ZNF91: variants seen among roughly 807,000 people sequenced by gnomAD.
ZNF91 encodes the protein zinc finger protein 91 (HPF7, HTF10).
In ZNF91, 7 loss-of-function variants were observed where a neutral mutation model predicts 12.6. That is an observed-to-expected ratio of 0.55 (90% confidence interval 0.31 to 1.04). The LOEUF (loss-of-function observed/expected upper bound fraction) is 1.04, where lower values mean the gene tolerates loss of function less well. Ranked by LOEUF, ZNF91 falls within the 50% of genes least tolerant of loss-of-function variation. ZNF91 has a pLI of 0.05. For missense variants in ZNF91, 1,217 were observed against 1,385.4 expected (o/e 0.88, Z 1.93); for synonymous variants, 453 against 462.6 (o/e 0.98, Z 0.27).
chr19:23,375,289 A>G (rs996428263), intron 1 of ZNF91, among the ~76,000 whole-genome samples: 4 of 152,124 alleles, frequency 2.6e-5, no homozygotes, highest in Non-Finnish European at 5.9e-5. Context: ...CCTCCCGAGT[A>G]GCAGGGACTA....
intron 3 of ZNF91, 26 bp downstream of exon 3, chr19:23,373,716 C>T (rs770882565): frequency 1.9e-6 from 3 of 1,577,028 alleles, no homozygotes; most frequent in South Asian, 1.1e-5. Context: ...TCATCCTTGT[C>T]GTCTGTTGTA....
chr19:23,374,171 G>T (rs746677740), intron 2 of ZNF91, among the ~76,000 whole-genome samples: 1 of 152,014 alleles, frequency 6.6e-6, no homozygotes, highest in Non-Finnish European at 1.5e-5. Flanking sequence ...AGGTCAAGAT[G>T]AAACATCTTG....
intron 3 of ZNF91, among the ~76,000 whole-genome samples, chr19:23,341,289 C>T (rs1008455530): frequency 6.6e-6 from 1 of 152,016 alleles, no homozygotes. Context: ...GACCTCATGA[C>T]CTGCCCGCCT....
upstream of ZNF91, among the ~76,000 whole-genome samples, chr19:23,312,089 CA>C (rs1305168461): frequency 6.6e-6 from 1 of 151,924 alleles, no homozygotes; most frequent in Non-Finnish European, 1.5e-5. Flanking sequence ...GCTGAAAACA[CA>C]GGTACTGTGA....
intron 1 of ZNF91, among the ~76,000 whole-genome samples, chr19:23,393,544 AT>A (rs1970137649): frequency 6.6e-6 from 1 of 152,176 alleles, no homozygotes; most frequent in African/African-American, 2.4e-5. Context: ...ACCCAAAAAC[AT>A]TCTGGTAAGA....
chr19:23,337,430 A>G (rs1968035679), downstream of ZNF91, among the ~76,000 whole-genome samples: 2 of 151,690 alleles, frequency 1.3e-5, no homozygotes, highest in Admixed American at 6.6e-5. Flanking sequence ...CCAAAAGTAA[A>G]GCCACATGGC....
intron 1 of ZNF91, among the ~76,000 whole-genome samples, chr19:23,318,733 G>A (rs1340174639): frequency 6.6e-6 from 1 of 152,180 alleles, no homozygotes; most frequent in Non-Finnish European, 1.5e-5. Flanking sequence ...GCCCACAGAA[G>A]GTAGAGTGAA....
At chr19:23,366,238 C>CG (rs922774576) in intron 3 of ZNF91, among the ~76,000 whole-genome samples, 45 of 151,276 alleles carry the variant, frequency 3.0e-4, no homozygotes, top group African/African-American at 1.1e-3. Context: ...GCTGGCCGGG[C>CG]GGGGGGCTGA....
At chr19:23,363,115 C>A (rs930394504) in intron 3 of ZNF91, among the ~76,000 whole-genome samples, 8 of 152,082 alleles carry the variant, frequency 5.3e-5, no homozygotes, top group African/African-American at 1.9e-4. Context: ...CAAAAAACCA[C>A]ACAGAAAAAA....
intron 1 of ZNF91, among the ~76,000 whole-genome samples, chr19:23,377,504 A>T (rs1969545554): frequency 6.6e-6 from 1 of 152,172 alleles, no homozygotes. Context: ...GCAGGTTTGG[A>T]AATGGTCCAT....
chr19:23,365,715 C>T (rs997399942), intron 3 of ZNF91, among the ~76,000 whole-genome samples: 44 of 151,970 alleles, frequency 2.9e-4, no homozygotes, highest in African/African-American at 9.9e-4. Context: ...GACCCTGCGG[C>T]CTTCCGCAGT....
chr19:23,380,495 T>C (rs978425163), intron 1 of ZNF91: 4 of 152,226 alleles, frequency 2.6e-5, no homozygotes, highest in East Asian at 3.9e-4. Context: ...TGACAGCCCA[T>C]GTCTTTCACA....
chr19:23,324,609 AG>A (rs1166307340), intron 1 of ZNF91: 1 of 151,848 alleles, frequency 6.6e-6, no homozygotes, highest in Non-Finnish European at 1.5e-5. Flanking sequence ...ATATTCTATG[AG>A]AAATAATCTT....
At chr19:23,353,893 C>T (rs542451012), downstream of ZNF91, among the ~76,000 whole-genome samples, 7 of 152,194 alleles carry the variant, frequency 4.6e-5, no homozygotes, top group South Asian at 1.2e-3. Context: ...TAGCTTAAAT[C>T]AGGAGGCATT....
At chr19:23,355,515 G>GA (rs907385526), downstream of ZNF91, among the ~76,000 whole-genome samples, 1 of 151,852 alleles carries the variant, frequency 6.6e-6, no homozygotes, top group Non-Finnish European at 1.5e-5. Context: ...GATAAAATTG[G>GA]AAAAAAACCC....
At chr19:23,371,303 G>A (rs1969267423) in intron 3 of ZNF91, among the ~76,000 whole-genome samples, 1 of 151,888 alleles carries the variant, frequency 6.6e-6, no homozygotes, top group Admixed American at 6.6e-5. Flanking sequence ...CCAAGATCAT[G>A]CATTGCACTC....
chr19:23,327,618 T>C (rs1340336538), intron 1 of ZNF91: 1 of 152,230 alleles, frequency 6.6e-6, no homozygotes, highest in Admixed American at 6.5e-5. Context: ...ACCTGGCAGA[T>C]ACATTTAGAC....
At chr19:23,344,707 C>T (rs950540814) in intron 3 of ZNF91, among the ~76,000 whole-genome samples, 1 of 152,152 alleles carries the variant, frequency 6.6e-6, no homozygotes, top group Non-Finnish European at 1.5e-5. Flanking sequence ...CCAGCAGCAA[C>T]CCCAATAAGA....
intron 3 of ZNF91, among the ~76,000 whole-genome samples, chr19:23,371,937 T>C (rs1969294252): frequency 6.6e-6 from 1 of 152,220 alleles, no homozygotes; most frequent in Admixed American, 6.5e-5. Context: ...GAACCAACTA[T>C]AGCCTTAAAT....
Sources: gnomAD v4.1 joint callset for allele counts (sites outside exome capture counted in the v4.1 genomes callset) on GRCh38, gnomAD v4.1.1 for gene constraint, MANE v1.5 for transcripts, NCBI Gene and HGNC (gene_info 2026-07-23, HGNC 2026-07-21) for gene names.